Variants in SORCS3 observed in about 807,000 individuals in gnomAD.
SORCS3 encodes the protein sortilin related VPS10 domain containing receptor 3, also known as VPS10 domain-containing receptor SorCS3.
A neutral mutation model predicts 146.3 loss-of-function variants in SORCS3; 57 were observed. The ratio of observed to expected loss-of-function variants is 0.39; its 90% CI spans 0.31 to 0.49. The LOEUF is 0.49. SORCS3 is among the 20% of genes least tolerant of loss of function. The probability of loss-of-function intolerance (pLI) is 0.92; values close to 1 mark genes in which losing one functional copy is unlikely to be tolerated. For synonymous variants in SORCS3, 653 were observed against 618.5 expected (o/e 1.06, Z -0.83); for missense variants, 1,341 against 1,575.5 (o/e 0.85, Z 2.52).
chr10:104,647,720 A>T (rs2133236312), intron 1 of SORCS3, among the ~76,000 whole-genome samples: 1 of 152,346 alleles, frequency 6.6e-6, no homozygotes, highest in East Asian at 1.9e-4. Flanking sequence ...CCCTAAGATA[A>T]CTAACAGGTT....
intron 1 of SORCS3, among the ~76,000 whole-genome samples, chr10:104,721,260 C>T (rs1313945737): frequency 2.0e-5 from 3 of 152,126 alleles, no homozygotes; most frequent in Admixed American, 6.5e-5. Context: ...TTGTTTTTGT[C>T]AGGTTTGTCA....
At chr10:104,656,659 G>A (rs963564382) in intron 1 of SORCS3, among the ~76,000 whole-genome samples, 1 of 151,102 alleles carries the variant, frequency 6.6e-6, no homozygotes, top group Admixed American at 6.6e-5. Context: ...GTGAGACCTT[G>A]TTAAAAAAAA....
At chr10:104,661,953 T>G (rs1024662831) in intron 1 of SORCS3, among the ~76,000 whole-genome samples, 1 of 152,214 alleles carries the variant, frequency 6.6e-6, no homozygotes, top group Non-Finnish European at 1.5e-5. Flanking sequence ...GTTTGCTGTG[T>G]GCCGGGTGCC....
At chr10:104,696,010 TAA>T (rs1270029300) in intron 1 of SORCS3, among the ~76,000 whole-genome samples, 1 of 78,196 alleles carries the variant, frequency 1.3e-5, no homozygotes, top group South Asian at 5.0e-4. Flanking sequence ...ATAATATATA[TAA>T]TATATATCAT....
chr10:105,128,215 A>G (rs2055990037), intron 7 of SORCS3, among the ~76,000 whole-genome samples: 1 of 152,150 alleles, frequency 6.6e-6, no homozygotes, highest in Admixed American at 6.6e-5. Flanking sequence ...GAGAGGCATG[A>G]CCCGGAGAGC....
chr10:104,679,412 TAG>T (rs1463622330), intron 1 of SORCS3, among the ~76,000 whole-genome samples: 1 of 152,184 alleles, frequency 6.6e-6, no homozygotes, highest in African/African-American at 2.4e-5. Context: ...TTTCTTTACA[TAG>T]AGTTACTTGT....
chr10:104,852,125 G>A (rs1209071080), intron 2 of SORCS3, among the ~76,000 whole-genome samples: 1 of 152,132 alleles, frequency 6.6e-6, no homozygotes, highest in Non-Finnish European at 1.5e-5. Context: ...TCTTAAACTT[G>A]TATACTATTT....
At chr10:104,883,766 G>A (rs1049342596) in intron 2 of SORCS3, among the ~76,000 whole-genome samples, 1 of 152,150 alleles carries the variant, frequency 6.6e-6, no homozygotes, top group African/African-American at 2.4e-5. Context: ...GCCAGGCTGG[G>A]CCAATTCAAC....
At chr10:105,008,691 G>A (rs915401951) in intron 4 of SORCS3, among the ~76,000 whole-genome samples, 6 of 152,260 alleles carry the variant, frequency 3.9e-5, no homozygotes, top group South Asian at 4.2e-4. Flanking sequence ...CTGTTGCCCC[G>A]GCTAGAGTGC....
chr10:104,755,772 T>C (rs2133472352), intron 1 of SORCS3, among the ~76,000 whole-genome samples: 1 of 152,314 alleles, frequency 6.6e-6, no homozygotes, highest in East Asian at 1.9e-4. Flanking sequence ...ATGAGTTTCA[T>C]TTGATGATGT....
intron 1 of SORCS3, among the ~76,000 whole-genome samples, chr10:104,730,627 A>G (rs1454074422): frequency 1.3e-5 from 2 of 152,230 alleles, no homozygotes; most frequent in Admixed American, 1.3e-4. Flanking sequence ...TCACGCTGCT[A>G]TGAAGAAATA....
chr10:104,851,515 G>A (rs542835848), intron 2 of SORCS3, among the ~76,000 whole-genome samples: 1 of 152,312 alleles, frequency 6.6e-6, no homozygotes, highest in African/African-American at 2.4e-5. Context: ...CAGTTGATAA[G>A]TGAATAGGAT....
At chr10:105,138,327 G>A (rs989248854) in intron 7 of SORCS3, among the ~76,000 whole-genome samples, 3 of 152,148 alleles carry the variant, frequency 2.0e-5, no homozygotes, top group Non-Finnish European at 4.4e-5. Context: ...CTCCCTCCCC[G>A]AGTGAGGAGA....
At chr10:105,173,554 G>T (rs2056377014) in intron 13 of SORCS3, among the ~76,000 whole-genome samples, 1 of 151,306 alleles carries the variant, frequency 6.6e-6, no homozygotes, top group Non-Finnish European at 1.5e-5. Context: ...CCCCATCTTG[G>T]TGTGGTCTCT....
chr10:104,726,965 T>G (rs1448117997), intron 1 of SORCS3, among the ~76,000 whole-genome samples: 1 of 152,242 alleles, frequency 6.6e-6, no homozygotes, highest in African/African-American at 2.4e-5. Flanking sequence ...TTTAGGGTAC[T>G]GCTGAATTCC....
At chr10:104,642,055 GCGGGGGACGC>G in intron 1 of SORCS3, 101 bp downstream of exon 1, 1 of 1,344,818 alleles carries the variant, frequency 7.4e-7, no homozygotes, top group South Asian at 1.5e-5. Context: ...GGGGGTCGAG[GCGGGGGACGC>G]CTCGACTTTT....
chr10:105,245,172 A>T (rs1022007123), intron 20 of SORCS3, among the ~76,000 whole-genome samples: 9 of 151,968 alleles, frequency 5.9e-5, no homozygotes, highest in Non-Finnish European at 1.2e-4. Flanking sequence ...GAAATATAGG[A>T]TGAAAATATA....
At chr10:104,980,345 C>T (rs1344795572) in intron 4 of SORCS3, among the ~76,000 whole-genome samples, 1 of 152,184 alleles carries the variant, frequency 6.6e-6, no homozygotes, top group African/African-American at 2.4e-5. Context: ...GCAGATGATG[C>T]CCCTGGCAAC....
At chr10:104,774,660 A>G (rs1303891981) in intron 1 of SORCS3, among the ~76,000 whole-genome samples, 2 of 152,342 alleles carry the variant, frequency 1.3e-5, no homozygotes, top group East Asian at 3.9e-4. Context: ...GGCTGCAGGT[A>G]GTGAGAAATA....
Sources: gnomAD v4.1 joint callset for allele counts (sites outside exome capture counted in the v4.1 genomes callset) on GRCh38, gnomAD v4.1.1 for gene constraint, MANE v1.5 for transcripts, NCBI Gene and HGNC (gene_info 2026-07-23, HGNC 2026-07-21) for gene names.